BCL2L1: variants seen among roughly 807,000 people sequenced by gnomAD.
The protein encoded by BCL2L1 is bcl-2-like protein 1.
A neutral mutation model predicts 18.7 loss-of-function variants in BCL2L1; 1 was observed. The ratio of observed to expected loss-of-function variants is 0.05; its 90% CI spans 0.02 to 0.25. BCL2L1 has a LOEUF of 0.25. Among genes scored for constraint, BCL2L1 ranks in the 10% least tolerant of loss-of-function variants. BCL2L1 has a pLI of 1.00. For missense variants in BCL2L1, 207 were observed against 304.9 expected (o/e 0.68, Z 2.39); for synonymous variants, 103 against 122.7 (o/e 0.84, Z 1.06).
intron 2 of BCL2L1, among the ~76,000 whole-genome samples, chr20:31,676,418 C>T (rs1005406859): frequency 1.3e-5 from 2 of 152,178 alleles, no homozygotes; most frequent in Non-Finnish European, 2.9e-5. Context: ...TGAATACAGG[C>T]AGTCTGTCTC....
intron 2 of BCL2L1, among the ~76,000 whole-genome samples, chr20:31,691,471 G>T (rs904288873): frequency 4.6e-5 from 7 of 150,810 alleles, no homozygotes; most frequent in African/African-American, 1.7e-4. Flanking sequence ...CCAAGACCGT[G>T]CCACTGTACT....
chr20:31,693,316 A>G (rs150018400), intron 2 of BCL2L1, among the ~76,000 whole-genome samples: 1 of 151,734 alleles, frequency 6.6e-6, no homozygotes, highest in African/African-American at 2.4e-5. Flanking sequence ...AAAAATAATA[A>G]TAATAATTAA....
chr20:31,705,618 A>G (rs1362374006), intron 2 of BCL2L1, among the ~76,000 whole-genome samples: 1 of 152,186 alleles, frequency 6.6e-6, no homozygotes, highest in Non-Finnish European at 1.5e-5. Flanking sequence ...CCAGCTGTAG[A>G]TGCTGTAGAA....
intron 2 of BCL2L1, among the ~76,000 whole-genome samples, chr20:31,705,076 T>C (rs1261740714): frequency 1.3e-5 from 2 of 152,190 alleles, no homozygotes; most frequent in African/African-American, 4.8e-5. Context: ...CTTATCCAGG[T>C]AGGACAAGTT....
chr20:31,676,265 G>T (rs2060758418), intron 2 of BCL2L1, among the ~76,000 whole-genome samples: 1 of 152,308 alleles, frequency 6.6e-6, no homozygotes, highest in East Asian at 1.9e-4. Context: ...TGCTTCGTGT[G>T]TAAAGAATTT....
chr20:31,666,873 A>T (rs2060596534), intron 2 of BCL2L1, among the ~76,000 whole-genome samples: 1 of 152,152 alleles, frequency 6.6e-6, no homozygotes, highest in East Asian at 1.9e-4. Flanking sequence ...GTCAGAAGGG[A>T]AGCACATGAC....
chr20:31,718,379 G>A (rs1056365284), intron 2 of BCL2L1, among the ~76,000 whole-genome samples: 1 of 152,242 alleles, frequency 6.6e-6, no homozygotes, highest in East Asian at 1.9e-4. Context: ...GCCGGGGCCA[G>A]GCACGGTGGT....
At chr20:31,683,344 A>C (rs888139948) in intron 2 of BCL2L1, among the ~76,000 whole-genome samples, 2 of 152,168 alleles carry the variant, frequency 1.3e-5, no homozygotes, top group South Asian at 2.1e-4. Context: ...CCTCAGACAG[A>C]TCATGCAGAT....
At position 31,709,280 on chromosome 20, in the gene BCL2L1, G is replaced by A. The variant is rs2061414833; in HGVS notation, c.564+12375C>T. On this transcript the variant is annotated intron_variant, in intron 2 of 2. Coordinates refer to ENST00000307677, the MANE Select transcript of BCL2L1 (RefSeq NM_138578.3). ...TGCTTCATACATACTCCACCCTCCA[G>A]TTCTGTCTGGGTGGTTCTTACCCGT... is the stretch of plus-strand genomic sequence containing the variant. 2.0e-5 allele frequency among the ~76,000 whole-genome samples: 3 copies of A among 152,176 alleles called. No homozygotes were observed. The South Asian group carries it at 6.2e-4, about 32-fold the overall frequency.
At chr20:31,685,292 C>T (rs542211980) in intron 2 of BCL2L1, among the ~76,000 whole-genome samples, 13 of 151,348 alleles carry the variant, frequency 8.6e-5, no homozygotes, top group African/African-American at 1.9e-4. Flanking sequence ...CCCACCTACT[C>T]GGGAGGCTTA....
chr20:31,667,428 T>C (rs558304249), intron 2 of BCL2L1, among the ~76,000 whole-genome samples: 37 of 149,372 alleles, frequency 2.5e-4, no homozygotes, highest in African/African-American at 9.3e-4. Flanking sequence ...ACCACAGCAC[T>C]CCAGTCTGGG....
At chr20:31,685,934 G>T (rs1018519228) in intron 2 of BCL2L1, among the ~76,000 whole-genome samples, 2 of 152,100 alleles carry the variant, frequency 1.3e-5, no homozygotes, top group African/African-American at 4.8e-5. Context: ...TACTCTAGGA[G>T]GCCTTTGGCA....
intron 2 of BCL2L1, among the ~76,000 whole-genome samples, chr20:31,692,812 G>A (rs1568873830): frequency 6.6e-6 from 1 of 152,076 alleles, no homozygotes; most frequent in Non-Finnish European, 1.5e-5. Context: ...GGGAGTCTGA[G>A]GCAAGAGAAT....
intron 2 of BCL2L1, among the ~76,000 whole-genome samples, chr20:31,669,620 A>G (rs2060637190): frequency 6.6e-6 from 1 of 151,272 alleles, no homozygotes; most frequent in African/African-American, 2.4e-5. Flanking sequence ...TTGTATTTTT[A>G]GTAGAGATGG....
intron 2 of BCL2L1, among the ~76,000 whole-genome samples, chr20:31,714,353 G>A (rs1385576949): frequency 6.6e-6 from 1 of 152,192 alleles, no homozygotes; most frequent in Non-Finnish European, 1.5e-5. Flanking sequence ...CACCACCATT[G>A]CACACAAACA....
At chr20:31,716,907 T>C (rs2061545001) in intron 2 of BCL2L1, 1 of 152,060 alleles carries the variant, frequency 6.6e-6, no homozygotes, top group Non-Finnish European at 1.5e-5. Flanking sequence ...AAAGACCCAG[T>C]GGGATTGCCT....
In BCL2L1 at chr20:31,683,537, G is replaced by A. The variant is rs188333989; in HGVS notation, c.565-17451C>T. Among the ~76,000 whole-genome samples, 508 of 152,280 alleles carry A rather than the reference G, an allele frequency of 3.3e-3. 5 individuals are homozygous for A. Among genetic ancestry groups the A allele is most frequent in the African/African-American group, 0.012 (492 of 41,564 alleles). On this transcript the variant is annotated intron_variant, in intron 2 of 2. Coordinates refer to ENST00000307677, the MANE Select transcript of BCL2L1 (RefSeq NM_138578.3). ...TAATCCCAGCACTCTGGGAGAACGAGGCAGGTGGATCACCTGAGATCAGGA... is the reference window on the plus strand; with the variant it reads ...TAATCCCAGCACTCTGGGAGAACGAAGCAGGTGGATCACCTGAGATCAGGA...
At chr20:31,713,210 C>T in intron 2 of BCL2L1, 1 of 944,902 alleles carries the variant, frequency 1.1e-6, no homozygotes, top group Non-Finnish European at 1.3e-6. Context: ...TCTAACTGAC[C>T]TCCCTCACAG....
chr20:31,722,471 C>G, intron 1 of BCL2L1, 123 bp from the exon 2 acceptor site: 1 of 345,858 alleles, frequency 2.9e-6, no homozygotes, highest in Non-Finnish European at 5.2e-6. Flanking sequence ...TTCCAAGATA[C>G]TTCACTTAAG....
Sources: gnomAD v4.1 joint callset for allele counts (sites outside exome capture counted in the v4.1 genomes callset) on GRCh38, gnomAD v4.1.1 for gene constraint, MANE v1.5 for transcripts, NCBI Gene and HGNC (gene_info 2026-07-23, HGNC 2026-07-21) for gene names.